CTNNA2: variants seen among roughly 807,000 people sequenced by gnomAD.
The protein encoded by CTNNA2 is catenin alpha-2.
Under a neutral mutation model 101.0 loss-of-function variants are expected in CTNNA2, and 42 were observed. The observed-to-expected ratio is 0.42, with a 90% CI of 0.32 to 0.54. The LOEUF (loss-of-function observed/expected upper bound fraction) is 0.54, where lower values mean the gene tolerates loss of function less well. Ranked by LOEUF, CTNNA2 falls within the 20% of genes least tolerant of loss-of-function variation. The pLI is 0.14. For synonymous variants in CTNNA2, 450 were observed against 456.4 expected (o/e 0.99, Z 0.18); for missense variants, 871 against 1,223.1 (o/e 0.71, Z 4.29).
intron 2 of CTNNA2, among the ~76,000 whole-genome samples, chr2:79,693,883 A>T (rs1350313500): frequency 2.6e-5 from 4 of 151,958 alleles, no homozygotes; most frequent in African/African-American, 9.7e-5. Flanking sequence ...GGGATAAATA[A>T]AATTAGGATT....
chr2:79,301,861 G>T (rs1005147374), intron 2 of CTNNA2, among the ~76,000 whole-genome samples: 1 of 151,932 alleles, frequency 6.6e-6, no homozygotes, highest in African/African-American at 2.4e-5. Context: ...GGCTGAGGCG[G>T]GTGGATCATA....
At chr2:80,203,529 T>G (rs1241259085) in intron 7 of CTNNA2, among the ~76,000 whole-genome samples, 1 of 152,212 alleles carries the variant, frequency 6.6e-6, no homozygotes, top group Non-Finnish European at 1.5e-5. Flanking sequence ...CTCTTTTGAC[T>G]CCATGTCTCA....
chr2:79,541,511 T>A (rs1178649274), intron 1 of CTNNA2, among the ~76,000 whole-genome samples: 1 of 148,366 alleles, frequency 6.7e-6, no homozygotes, highest in Non-Finnish European at 1.5e-5. Flanking sequence ...AGCTACAGAG[T>A]GAAATATTTG....
intron 2 of CTNNA2, among the ~76,000 whole-genome samples, chr2:79,231,816 G>C (rs201421077): frequency 3.9e-5 from 5 of 128,094 alleles, no homozygotes; most frequent in African/African-American, 1.6e-4. Flanking sequence ...TTTCGTTTGT[G>C]GTTATTATAA....
intron 12 of CTNNA2, among the ~76,000 whole-genome samples, chr2:80,572,288 C>G (rs1694666127): frequency 6.6e-6 from 1 of 152,154 alleles, no homozygotes; most frequent in Non-Finnish European, 1.5e-5. Context: ...ATATGGATTG[C>G]TTTTCTGTGA....
intron 4 of CTNNA2, among the ~76,000 whole-genome samples, chr2:79,445,320 T>C (rs532825285): frequency 1.3e-5 from 2 of 152,190 alleles, no homozygotes; most frequent in East Asian, 3.9e-4. Flanking sequence ...AGTAGAAAAA[T>C]CAAAAGTACC....
intron 17 of CTNNA2, among the ~76,000 whole-genome samples, chr2:80,614,298 T>C (rs183556310): frequency 2.6e-5 from 4 of 151,478 alleles, no homozygotes; most frequent in Admixed American, 2.6e-4. Flanking sequence ...AAAATAAAAG[T>C]AACAATACAG....
chr2:79,540,444 A>G (rs1028173128), intron 1 of CTNNA2, among the ~76,000 whole-genome samples: 33 of 152,350 alleles, frequency 2.2e-4, no homozygotes, highest in Middle Eastern at 3.4e-3. Context: ...AAATAAATAG[A>G]AGAGAAGCAG....
chr2:79,362,616 G>A (rs1257260123), intron 3 of CTNNA2, among the ~76,000 whole-genome samples: 1 of 152,150 alleles, frequency 6.6e-6, no homozygotes, highest in Non-Finnish European at 1.5e-5. Flanking sequence ...ACATGATGAT[G>A]TTGCACTTCC....
chr2:79,824,273 C>G (rs549814977), intron 3 of CTNNA2, among the ~76,000 whole-genome samples: 1 of 152,272 alleles, frequency 6.6e-6, no homozygotes, highest in South Asian at 2.1e-4. Context: ...ACACCATCTT[C>G]CTTCCTTCTT....
intron 9 of CTNNA2, among the ~76,000 whole-genome samples, chr2:80,514,545 AC>A (rs1688957325): frequency 6.6e-6 from 1 of 151,962 alleles, no homozygotes; most frequent in South Asian, 2.1e-4. Context: ...GGTCACATGG[AC>A]CCTTGAAGGA....
intron 7 of CTNNA2, among the ~76,000 whole-genome samples, chr2:80,232,122 G>C (rs1462458685): frequency 2.0e-5 from 3 of 152,048 alleles, no homozygotes; most frequent in African/African-American, 2.4e-5. Flanking sequence ...ACTTCAAGTT[G>C]TCCTACCTTT....
chr2:80,549,431 A>C (rs550534615), intron 11 of CTNNA2, among the ~76,000 whole-genome samples: 9 of 152,306 alleles, frequency 5.9e-5, no homozygotes, highest in African/African-American at 2.2e-4. Context: ...GGTTTACAAC[A>C]GTCAAATAGT....
chr2:79,537,174 G>A (rs578103957), intron 1 of CTNNA2, among the ~76,000 whole-genome samples: 7 of 152,088 alleles, frequency 4.6e-5, no homozygotes, highest in Non-Finnish European at 5.9e-5. Context: ...AAAAATGACT[G>A]CTTAACTGAC....
chr2:79,379,920 G>A (rs1678020467), intron 4 of CTNNA2, among the ~76,000 whole-genome samples: 1 of 152,174 alleles, frequency 6.6e-6, no homozygotes, highest in African/African-American at 2.4e-5. Flanking sequence ...ATCTCATAAT[G>A]TACACAATGT....
intron 9 of CTNNA2, among the ~76,000 whole-genome samples, chr2:80,458,247 TAA>T (rs1172635916): frequency 6.6e-6 from 1 of 152,160 alleles, no homozygotes; most frequent in Non-Finnish European, 1.5e-5. Context: ...AGGGACTATA[TAA>T]AAAACTTGGA....
intron 4 of CTNNA2, among the ~76,000 whole-genome samples, chr2:79,426,071 G>A (rs1573160366): frequency 6.6e-6 from 1 of 152,076 alleles, no homozygotes; most frequent in East Asian, 1.9e-4. Context: ...TTAAGTGCAT[G>A]TTAAGGCTTT....
At chr2:79,693,975 T>C (rs1305125851) in intron 2 of CTNNA2, among the ~76,000 whole-genome samples, 3 of 151,948 alleles carry the variant, frequency 2.0e-5, no homozygotes, top group Admixed American at 2.0e-4. Flanking sequence ...TTAGGAAGAA[T>C]TGAGAGCAAT....
chr2:79,261,199 A>G (rs547363561), intron 2 of CTNNA2, among the ~76,000 whole-genome samples: 22 of 152,316 alleles, frequency 1.4e-4, no homozygotes, highest in African/African-American at 4.8e-4. Context: ...CAGGGCATTC[A>G]GAGATATTTA....
Sources: allele counts gnomAD v4.1 joint callset (sites outside exome capture counted in the v4.1 genomes callset), GRCh38; gene constraint gnomAD v4.1.1; transcripts MANE v1.5; gene names NCBI Gene and HGNC (gene_info 2026-07-23, HGNC 2026-07-21).